Variants in ABCA13 observed in about 807,000 individuals in gnomAD.
ABCA13 encodes ATP binding cassette subfamily A member 13.
ABCA13 carries 476 observed loss-of-function variants against 478.7 expected under a neutral mutation model. The ratio of observed to expected loss-of-function variants is 0.99; its 90% CI spans 0.92 to 1.07. The LOEUF (loss-of-function observed/expected upper bound fraction) is 1.07, where lower values mean the gene tolerates loss of function less well. Ranked by LOEUF, ABCA13 falls within the 50% of genes least tolerant of loss-of-function variation. The pLI, the probability that ABCA13 is intolerant of heterozygous loss-of-function variation, is 0.00. For missense variants in ABCA13, 6,060 were observed against 5,910.6 expected, an observed-to-expected ratio of 1.03 and a Z score of -0.83; for synonymous variants, 2,252 against 2,158.9, an observed-to-expected ratio of 1.04 and a Z score of -1.20.
intron 27 of ABCA13, among the ~76,000 whole-genome samples, chr7:48,330,664 T>C (rs1016701568): frequency 2.6e-5 from 4 of 151,986 alleles, no homozygotes; most frequent in African/African-American, 9.6e-5. Flanking sequence ...TATTCATTCA[T>C]TCAACCATCG....
At chr7:48,388,855 A>G (rs1815596316) in intron 36 of ABCA13, among the ~76,000 whole-genome samples, 185 bp from the exon 37 acceptor site, 1 of 152,220 alleles carries the variant, frequency 6.6e-6, no homozygotes, top group Non-Finnish European at 1.5e-5. Context: ...AATCAGTGAT[A>G]TCACTTAATG....
At chr7:48,192,793 A>G (rs1797273997) in intron 1 of ABCA13, among the ~76,000 whole-genome samples, 166 bp from the exon 2 acceptor site, 1 of 152,146 alleles carries the variant, frequency 6.6e-6, no homozygotes, top group African/African-American at 2.4e-5. Flanking sequence ...ACCGTCACAG[A>G]TCTGGACGCA....
chr7:48,462,300 G>A (rs1458398553), intron 43 of ABCA13, among the ~76,000 whole-genome samples: 2 of 152,072 alleles, frequency 1.3e-5, no homozygotes, highest in Admixed American at 6.5e-5. Context: ...AAAGTCTGGG[G>A]AGTGATATGA....
chr7:48,223,464 G>C (rs1048725924), intron 5 of ABCA13, among the ~76,000 whole-genome samples: 38 of 152,124 alleles, frequency 2.5e-4, no homozygotes, highest in African/African-American at 8.7e-4. Context: ...TGAGAATGTG[G>C]GGTGTTGTGG....
chr7:48,341,123 A>C (rs1194664182), intron 29 of ABCA13, among the ~76,000 whole-genome samples: 2 of 152,210 alleles, frequency 1.3e-5, no homozygotes, highest in Non-Finnish European at 2.9e-5. Context: ...TTCAGTGCAG[A>C]GTCAGGCTAT....
In ABCA13 at chr7:48,216,166, T is replaced by C. The variant is rs149528637; in HGVS notation, c.288-3188T>C. Among the ~76,000 whole-genome samples, 4 of 152,322 alleles carry C rather than the reference T, an allele frequency of 2.6e-5. No homozygotes were observed. In the East Asian group the frequency reaches 7.7e-4, roughly 29 times the overall value. On this transcript the variant is annotated intron_variant, in intron 3 of 61. Coordinates refer to ENST00000435803, the MANE Select transcript of ABCA13 (RefSeq NM_152701.5). ...CTACGTCTAACATTTTGAGAAACCG[T>C]CAGATTGTTTTTCAACGTGGCTCTA...
At chr7:48,488,272 TGATCAA>T (rs1829527574) in intron 47 of ABCA13, among the ~76,000 whole-genome samples, 1 of 151,728 alleles carries the variant, frequency 6.6e-6, no homozygotes, top group African/African-American at 2.4e-5. Flanking sequence ...TTTAACTATA[TGATCAA>T]TATTTTATTA....
chr7:48,374,539 T>C, intron 34 of ABCA13, 123 bp downstream of exon 34: 1 of 899,416 alleles, frequency 1.1e-6, no homozygotes. Context: ...GAATGAGGTT[T>C]GGATATTTGC....
At chr7:48,296,874 CT>C (rs1013428024) in intron 21 of ABCA13, among the ~76,000 whole-genome samples, 1 of 152,220 alleles carries the variant, frequency 6.6e-6, no homozygotes, top group Non-Finnish European at 1.5e-5. Context: ...GACTTTTTCA[CT>C]GAAAGAATGA....
intron 5 of ABCA13, among the ~76,000 whole-genome samples, chr7:48,224,126 T>C (rs1787803157): frequency 6.6e-6 from 1 of 152,306 alleles, no homozygotes; most frequent in East Asian, 1.9e-4. Flanking sequence ...GCTGGCTCTC[T>C]AATTTCTCCC....
At chr7:48,319,168 TG>T (rs1249564125) in intron 27 of ABCA13, among the ~76,000 whole-genome samples, 1 of 152,084 alleles carries the variant, frequency 6.6e-6, no homozygotes, top group Non-Finnish European at 1.5e-5. Context: ...GACAGAGGTG[TG>T]GGGAGGTGCC....
At chr7:48,545,718 TAAG>T (rs1309563780) in intron 55 of ABCA13, among the ~76,000 whole-genome samples, 2 of 149,836 alleles carry the variant, frequency 1.3e-5, no homozygotes, top group Non-Finnish European at 3.0e-5. Context: ...AAAGAAAATG[TAAG>T]AAGTACCATG....
Position 48,219,525 on chromosome 7 carries a change from C to A in ABCA13, c.439+20C>A. ...CTCCAGGCAAGTAAACCTCTCATAA[C>A]TGTGACACTACCTACCTGGACATAG... On this transcript the variant is annotated intron_variant, in intron 4 of 61. Transcript: ENST00000435803. 6.3e-7 allele frequency: 1 copy of A among 1,597,516 alleles called. No homozygotes were observed. Among genetic ancestry groups the A allele is most frequent in the East Asian group, 2.3e-5 (1 of 44,410 alleles).
chr7:48,641,787 C>A (rs570860761), intron 59 of ABCA13, among the ~76,000 whole-genome samples: 1 of 152,208 alleles, frequency 6.6e-6, no homozygotes, highest in South Asian at 2.1e-4. Context: ...TTGGGAAGCC[C>A]CTTCAACCAC....
In ABCA13 at chr7:48,241,084, GTTTGATTATTGA is replaced by G; in HGVS notation, c.1262+21_1262+32del. 6.2e-7 allele frequency: 1 copy of G among 1,613,490 alleles called. No homozygotes were observed. Among genetic ancestry groups the G allele is most frequent in the Non-Finnish European group, 8.5e-7 (1 of 1,179,604 alleles). On this transcript the variant is annotated intron_variant, in intron 10 of 61. Transcript: ENST00000435803. ...CCAAAGATGTAAGTCGCATTTCCCT[GTTTGATTATTGA>G]TTAGGTAGATGACACAGAATGTTAA...
intron 32 of ABCA13, among the ~76,000 whole-genome samples, chr7:48,370,695 A>G (rs1301981672): frequency 6.6e-6 from 1 of 152,202 alleles, no homozygotes; most frequent in Non-Finnish European, 1.5e-5. Context: ...GATAATAGTG[A>G]TACAACCTAT....
chr7:48,489,154 G>C (rs989972709), intron 47 of ABCA13, 82 bp from the exon 48 acceptor site: 1 of 1,166,172 alleles, frequency 8.6e-7, no homozygotes, highest in Non-Finnish European at 1.2e-6. Flanking sequence ...TGACACATAC[G>C]TTCCTTAAAT....
intron 55 of ABCA13, among the ~76,000 whole-genome samples, chr7:48,566,600 G>A (rs1298024786): frequency 3.3e-5 from 5 of 152,086 alleles, no homozygotes; most frequent in Admixed American, 2.0e-4. Context: ...CTCTTGCCTT[G>A]CTGAAAGGCT....
intron 51 of ABCA13, among the ~76,000 whole-genome samples, chr7:48,514,239 A>G (rs1831939572): frequency 6.6e-6 from 1 of 152,170 alleles, no homozygotes. Context: ...TGCCAGGCCA[A>G]CCACATCATG....
Sources: gnomAD v4.1 joint callset for allele counts (sites outside exome capture counted in the v4.1 genomes callset) on GRCh38, gnomAD v4.1.1 for gene constraint, MANE v1.5 for transcripts, NCBI Gene and HGNC (gene_info 2026-07-23, HGNC 2026-07-21) for gene names.